The following NKAIN2 variants were observed in gnomAD, a reference collection of about 807,000 sequenced individuals.
NKAIN2 encodes the protein sodium/potassium transporting ATPase interacting 2, also known as sodium/potassium-transporting ATPase subunit beta-1-interacting protein 2.
NKAIN2 carries 14 observed loss-of-function variants against 32.6 expected under a neutral mutation model. The observed-to-expected ratio is 0.43, with a 90% CI of 0.28 to 0.67. NKAIN2 has a LOEUF of 0.67. Among genes scored for constraint, NKAIN2 ranks in the 30% least tolerant of loss-of-function variants. The pLI is 0.17. For synonymous variants in NKAIN2, 80 were observed against 87.2 expected, an observed-to-expected ratio of 0.92 and a Z score of 0.46; for missense variants, 198 against 258.3, an observed-to-expected ratio of 0.77 and a Z score of 1.60.
chr6:124,177,666 C>G (rs1789228842), intron 1 of NKAIN2, among the ~76,000 whole-genome samples: 1 of 152,002 alleles, frequency 6.6e-6, no homozygotes, highest in Non-Finnish European at 1.5e-5. Context: ...ATCCTAACCT[C>G]CAAGGAGCTG....
chr6:123,980,819 A>G (rs1167895285), intron 1 of NKAIN2, among the ~76,000 whole-genome samples: 1 of 151,990 alleles, frequency 6.6e-6, no homozygotes, highest in Non-Finnish European at 1.5e-5. Flanking sequence ...GAAGAATGGA[A>G]TAAGAGAGAG....
chr6:124,824,509 C>T lies in NKAIN2; in HGVS notation c.*1280C>T, dbSNP rs950947021. 11 of 152,080 alleles carry T rather than the reference C, an allele frequency of 7.2e-5. No homozygotes were observed. Among genetic ancestry groups the T allele is most frequent in the Non-Finnish European group, 1.6e-4 (11 of 68,018 alleles). 9.4% of individuals were successfully genotyped at this position (152,080 alleles called of 1,614,324 possible). ...GTTAACGTAGTTGGCAACAAGATGC[C>T]TTTGGAAACTTAATAGTAGGTCAAT... On this transcript the variant is annotated 3_prime_UTR_variant, in exon 7 of 7. Coordinates refer to ENST00000368417, the MANE Select transcript of NKAIN2 (RefSeq NM_001040214.3).
intron 1 of NKAIN2, among the ~76,000 whole-genome samples, chr6:123,978,560 A>G (rs1052808820): frequency 2.6e-5 from 4 of 152,208 alleles, no homozygotes; most frequent in Non-Finnish European, 4.4e-5. Context: ...TCTTTCTCGT[A>G]GTCTCCTAGT....
intron 3 of NKAIN2, among the ~76,000 whole-genome samples, chr6:124,606,281 CT>C (rs971486396): frequency 1.3e-5 from 2 of 151,108 alleles, no homozygotes; most frequent in African/African-American, 2.4e-5. Flanking sequence ...GAGACTTCTC[CT>C]TTTTTTTGCT....
intron 1 of NKAIN2, among the ~76,000 whole-genome samples, chr6:124,150,815 C>A (rs893697244): frequency 5.3e-5 from 8 of 152,080 alleles, no homozygotes; most frequent in African/African-American, 1.9e-4. Context: ...AATTTTTCTA[C>A]ATCTTTATTA....
At chr6:124,274,126 A>G (rs1794922634) in intron 1 of NKAIN2, among the ~76,000 whole-genome samples, 2 of 152,060 alleles carry the variant, frequency 1.3e-5, no homozygotes, top group South Asian at 4.1e-4. Flanking sequence ...TTATAGTACA[A>G]CTCCAGATAA....
In NKAIN2 at chr6:124,706,739, C is replaced by T. The variant is rs926062457; in HGVS notation, c.474+48353C>T. 1.3e-4 allele frequency among the ~76,000 whole-genome samples: 20 copies of T among 152,094 alleles called. 1 individual carries two copies. The highest frequency in any genetic ancestry group is 1.2e-3 in the Admixed American group (18 of 15,268). On this transcript the variant is annotated intron_variant, in intron 4 of 6. Coordinates refer to ENST00000368417, the MANE Select transcript of NKAIN2 (RefSeq NM_001040214.3). Reference sequence around the variant, plus strand: ...ATGGCACCTAATCGTCATTTGACTCCACTGCTTAATCTGGCATGTAATGAC... The same window carrying T: ...ATGGCACCTAATCGTCATTTGACTCTACTGCTTAATCTGGCATGTAATGAC...
At chr6:124,354,061 T>C (rs1247615602) in intron 2 of NKAIN2, among the ~76,000 whole-genome samples, 4 of 152,194 alleles carry the variant, frequency 2.6e-5, no homozygotes, top group Non-Finnish European at 5.9e-5. Context: ...GATCCTCCCA[T>C]GAAAGCCCTT....
chr6:124,583,131 G>A (rs539847001), intron 3 of NKAIN2, among the ~76,000 whole-genome samples: 3 of 149,682 alleles, frequency 2.0e-5, no homozygotes, highest in Middle Eastern at 3.4e-3. Context: ...GAAATCAGAC[G>A]AAAGAAATAA....
intron 3 of NKAIN2, among the ~76,000 whole-genome samples, chr6:124,381,145 A>G (rs1012327909): frequency 1.3e-5 from 2 of 152,190 alleles, no homozygotes; most frequent in African/African-American, 4.8e-5. Flanking sequence ...ACTGTCTTCT[A>G]TTAAGCTATA....
At chr6:124,359,867 G>A (rs183440894) in intron 3 of NKAIN2, among the ~76,000 whole-genome samples, 2,270 of 152,242 alleles carry the variant, frequency 0.015, 33 homozygotes, top group Non-Finnish European at 0.023. Flanking sequence ...CAAAGGGAAT[G>A]CTTCCAGTTT....
At chr6:124,742,897 T>C (rs1356211478) in intron 4 of NKAIN2, among the ~76,000 whole-genome samples, 1 of 151,920 alleles carries the variant, frequency 6.6e-6, no homozygotes, top group East Asian at 1.9e-4. Flanking sequence ...GGAGATTTTA[T>C]AACATAATAA....
chr6:124,776,327 G>A (rs1289966367), intron 4 of NKAIN2, among the ~76,000 whole-genome samples: 1 of 152,142 alleles, frequency 6.6e-6, no homozygotes, highest in Non-Finnish European at 1.5e-5. Context: ...GCTTGAGACT[G>A]ACTTTTGAGT....
intron 3 of NKAIN2, among the ~76,000 whole-genome samples, chr6:124,450,495 G>C (rs998562806): frequency 5.3e-5 from 8 of 151,624 alleles, no homozygotes; most frequent in African/African-American, 1.9e-4. Context: ...AATCAACACT[G>C]CCATAATAAT....
At chr6:124,678,062 T>A (rs1296364272) in intron 4 of NKAIN2, among the ~76,000 whole-genome samples, 1 of 152,156 alleles carries the variant, frequency 6.6e-6, no homozygotes, top group Non-Finnish European at 1.5e-5. Context: ...TTGCAAGATA[T>A]TTTTTAGAAA....
chr6:124,267,788 T>G (rs1042931209), intron 1 of NKAIN2, among the ~76,000 whole-genome samples: 2 of 152,192 alleles, frequency 1.3e-5, no homozygotes. Flanking sequence ...AAGGACTCAT[T>G]TGTGTATGGG....
At chr6:124,175,921 T>C (rs1789134036) in intron 1 of NKAIN2, among the ~76,000 whole-genome samples, 1 of 152,030 alleles carries the variant, frequency 6.6e-6, no homozygotes, top group Non-Finnish European at 1.5e-5. Context: ...TTTATGTTAT[T>C]GTAATCTGCT....
At chr6:124,426,281 C>A (rs572332113) in intron 3 of NKAIN2, among the ~76,000 whole-genome samples, 1 of 152,038 alleles carries the variant, frequency 6.6e-6, no homozygotes, top group Non-Finnish European at 1.5e-5. Flanking sequence ...ATGAGGAAAA[C>A]ATTTTTTGAT....
In NKAIN2 at chr6:124,726,700, G is replaced by T. The variant is rs553460760; in HGVS notation, c.475-64639G>T. On this transcript the variant is annotated intron_variant, in intron 4 of 6. Coordinates refer to ENST00000368417, the MANE Select transcript of NKAIN2 (RefSeq NM_001040214.3). ...TCCTCACCAGCAATGGAACAAAGCT[G>T]GATGGAGAATGACTTTGATGAGCTG... is the stretch of plus-strand genomic sequence containing the variant. Among the ~76,000 whole-genome samples, 396 of 145,056 alleles carry T rather than the reference G, an allele frequency of 2.7e-3. 1 individual carries two copies. Among genetic ancestry groups the T allele is most frequent in the Middle Eastern group, 0.01 (3 of 292 alleles).
Sources: allele counts gnomAD v4.1 joint callset (sites outside exome capture counted in the v4.1 genomes callset), GRCh38; gene constraint gnomAD v4.1.1; transcripts MANE v1.5; gene names NCBI Gene and HGNC (gene_info 2026-07-23, HGNC 2026-07-21).